Variants in PSMD1 observed in about 807,000 individuals in gnomAD.
The protein encoded by PSMD1 is 26S proteasome non-ATPase regulatory subunit 1.
In PSMD1, 18 loss-of-function variants were observed where a neutral mutation model predicts 119.0. The observed-to-expected ratio is 0.15, with a 90% CI of 0.10 to 0.22. The LOEUF (loss-of-function observed/expected upper bound fraction) is 0.22, where lower values mean the gene tolerates loss of function less well. PSMD1 is among the 10% of genes least tolerant of loss of function. PSMD1 has a pLI of 1.00. For missense variants in PSMD1, 702 were observed against 1,158.5 expected, an observed-to-expected ratio of 0.61 and a Z score of 5.72; for synonymous variants, 374 against 396.6, an observed-to-expected ratio of 0.94 and a Z score of 0.68.
chr2:231,160,384 G>A (rs547006007), intron 19 of PSMD1, among the ~76,000 whole-genome samples: 13 of 152,282 alleles, frequency 8.5e-5, no homozygotes, highest in African/African-American at 2.9e-4. Context: ...CAATGCTTTC[G>A]TAGATTTTTA....
At chr2:231,122,344 G>A (rs1695575479) in intron 16 of PSMD1, among the ~76,000 whole-genome samples, 1 of 151,980 alleles carries the variant, frequency 6.6e-6, no homozygotes, top group Non-Finnish European at 1.5e-5. Flanking sequence ...TAAAACCTGG[G>A]TATAATAGTT....
chr2:231,058,548 T>C (rs1309130329), intron 1 of PSMD1, among the ~76,000 whole-genome samples: 1 of 151,492 alleles, frequency 6.6e-6, no homozygotes, highest in East Asian at 1.9e-4. Flanking sequence ...GCTCATTAGC[T>C]ATCATTAGTG....
At chr2:231,081,123 C>T (rs1358498527) in intron 12 of PSMD1, among the ~76,000 whole-genome samples, 5 of 129,446 alleles carry the variant, frequency 3.9e-5, no homozygotes, top group Non-Finnish European at 7.9e-5. Flanking sequence ...CCAGCCTGGG[C>T]GACAAGACAG....
At chr2:231,161,555 A>G (rs1039438208) in intron 20 of PSMD1, 46 bp downstream of exon 20, 2 of 1,528,340 alleles carry the variant, frequency 1.3e-6, no homozygotes, top group Non-Finnish European at 1.8e-6. Context: ...TGTTCACCGT[A>G]TCTTATTCAT....
Position 231,056,939 on chromosome 2 carries a change from G to A in PSMD1, c.-87G>A, listed in dbSNP as rs1693606091. On this transcript the variant is annotated 5_prime_UTR_variant, in exon 1 of 25. Transcript: ENST00000308696. ...CAGCGCACCCGGGGAGCAAGGAGGCGCGGTGAACTGAGCGGCCCCTGAGCT... is the reference window on the plus strand; with the variant it reads ...CAGCGCACCCGGGGAGCAAGGAGGCACGGTGAACTGAGCGGCCCCTGAGCT... 2 of 1,513,888 alleles carry A rather than the reference G, an allele frequency of 1.3e-6. No homozygotes were observed. The highest frequency in any genetic ancestry group is 1.4e-5 in the African/African-American group (1 of 70,448). 93.8% of individuals were successfully genotyped at this position (1,513,888 alleles called of 1,614,324 possible).
intron 16 of PSMD1, among the ~76,000 whole-genome samples, chr2:231,129,024 G>T (rs12471957): frequency 0.13 from 20,377 of 152,060 alleles, 1,697 homozygotes; most frequent in Non-Finnish European, 0.16. Context: ...AATTATAGTT[G>T]ATGATCATAA....
intron 5 of PSMD1, among the ~76,000 whole-genome samples, chr2:231,067,957 T>G (rs1693947232): frequency 6.6e-6 from 1 of 152,120 alleles, no homozygotes; most frequent in Non-Finnish European, 1.5e-5. Flanking sequence ...ACACCTGCCC[T>G]CCATTCCTTT....
At chr2:231,134,875 T>A (rs1254922232) in intron 16 of PSMD1, among the ~76,000 whole-genome samples, 1 of 152,232 alleles carries the variant, frequency 6.6e-6, no homozygotes. Context: ...TATTTCCTAG[T>A]GCTTAACCAT....
chr2:231,117,278 A>G (rs4973377), intron 16 of PSMD1, among the ~76,000 whole-genome samples: 135,671 of 152,042 alleles, frequency 0.89, 60,778 homozygotes, highest in East Asian at 1. Flanking sequence ...TCTGTCCAAT[A>G]TACTTCCACA....
rs142128195 is a variant in PSMD1, at chr2:231,159,499, A to C, written c.2219-1841A>C. Among the ~76,000 whole-genome samples the C allele has an allele frequency of 1.3e-3, 192 of 152,344 alleles. 1 individual carries two copies. Among genetic ancestry groups the C allele is most frequent in the African/African-American group, 4.3e-3 (180 of 41,588 alleles). ...CTAGTAATCCTGGACCTACACCCCC[A>C]GTAACAAGCTCCCTTTAAATAGTAC... On this transcript the variant is annotated intron_variant, in intron 19 of 24. Transcript: ENST00000308696.
intron 16 of PSMD1, among the ~76,000 whole-genome samples, chr2:231,098,897 G>C (rs1425655501): frequency 6.6e-6 from 1 of 152,154 alleles, no homozygotes; most frequent in East Asian, 1.9e-4. Flanking sequence ...TCTTTCAAAG[G>C]AAAGAAAGTC....
At chr2:231,086,545 T>C (rs936783314) in intron 15 of PSMD1, among the ~76,000 whole-genome samples, 1 of 152,138 alleles carries the variant, frequency 6.6e-6, no homozygotes, top group Non-Finnish European at 1.5e-5. Flanking sequence ...TAGTCCCAGC[T>C]ACTTGGGAGC....
At chr2:231,153,387 A>T in intron 18 of PSMD1, 177 bp from the exon 19 acceptor site, 1 of 560,302 alleles carries the variant, frequency 1.8e-6, no homozygotes, top group Non-Finnish European at 3.1e-6. Context: ...AAAAGTCATA[A>T]CACCCGTGAT....
intron 23 of PSMD1, among the ~76,000 whole-genome samples, chr2:231,166,686 G>C (rs1362705734): frequency 6.6e-6 from 1 of 152,116 alleles, no homozygotes; most frequent in Non-Finnish European, 1.5e-5. Context: ...TAGATAACTA[G>C]AGCGCCATCA....
chr2:231,166,236 C>A (rs1050603455), intron 23 of PSMD1, among the ~76,000 whole-genome samples: 4 of 152,120 alleles, frequency 2.6e-5, no homozygotes, highest in Non-Finnish European at 2.9e-5. Flanking sequence ...CGTCTTCTAC[C>A]ACAGACATAC....
chr2:231,100,021 A>G (rs1694826054), intron 16 of PSMD1, among the ~76,000 whole-genome samples: 1 of 152,082 alleles, frequency 6.6e-6, no homozygotes, highest in African/African-American at 2.4e-5. Context: ...TGCGTTGCTG[A>G]GAGCTCGGGT....
At chr2:231,057,720 TG>T (rs1693638943) in intron 1 of PSMD1, among the ~76,000 whole-genome samples, 1 of 152,280 alleles carries the variant, frequency 6.6e-6, no homozygotes, top group Non-Finnish European at 1.5e-5. Context: ...TGGATGGATC[TG>T]CGGAGCAGGT....
At chr2:231,124,540 G>A (rs1695669948) in intron 16 of PSMD1, among the ~76,000 whole-genome samples, 1 of 151,866 alleles carries the variant, frequency 6.6e-6, no homozygotes, top group South Asian at 2.1e-4. Flanking sequence ...AGGTTTGTGA[G>A]TACTGATATA....
intron 19 of PSMD1, among the ~76,000 whole-genome samples, chr2:231,160,041 C>T (rs1696600091): frequency 6.6e-6 from 1 of 152,234 alleles, no homozygotes; most frequent in Non-Finnish European, 1.5e-5. Flanking sequence ...TCCTAACAGG[C>T]CATGGACAGG....
Sources: gnomAD v4.1 joint callset for allele counts (sites outside exome capture counted in the v4.1 genomes callset) on GRCh38, gnomAD v4.1.1 for gene constraint, MANE v1.5 for transcripts, NCBI Gene and HGNC (gene_info 2026-07-23, HGNC 2026-07-21) for gene names.